Variants in CASZ1 observed in about 807,000 individuals in gnomAD.
CASZ1 encodes castor zinc finger 1.
A neutral mutation model predicts 135.2 loss-of-function variants in CASZ1; 28 were observed. The ratio of observed to expected loss-of-function variants is 0.21; its 90% CI spans 0.15 to 0.28. The LOEUF is 0.28. Among genes scored for constraint, CASZ1 ranks in the 10% least tolerant of loss-of-function variants. The pLI is 1.00. For synonymous variants in CASZ1, 1,068 were observed against 1,073.4 expected, an observed-to-expected ratio of 0.99 and a Z score of 0.10; for missense variants, 2,161 against 2,453.3, an observed-to-expected ratio of 0.88 and a Z score of 2.52.
chr1:10,763,869 G>A (rs534035671), intron 1 of CASZ1, among the ~76,000 whole-genome samples: 20 of 152,076 alleles, frequency 1.3e-4, no homozygotes, highest in Admixed American at 3.3e-4. Flanking sequence ...GCTGTTTTCT[G>A]TTTTCTTTTT....
At chr1:10,775,888 C>G (rs2100602057) in intron 1 of CASZ1, among the ~76,000 whole-genome samples, 1 of 152,300 alleles carries the variant, frequency 6.6e-6, no homozygotes, top group Non-Finnish European at 1.5e-5. Context: ...TCTCAACCAG[C>G]ACCCCGTCCC....
At chr1:10,656,779 C>CA (rs1557474846) in intron 7 of CASZ1, 43 bp from the exon 8 acceptor site, 1 of 1,336,982 alleles carries the variant, frequency 7.5e-7, no homozygotes, top group Non-Finnish European at 1.0e-6. Flanking sequence ...CTGTGGGTGA[C>CA]AGTCCCAGCC....
rs539695679 is a variant in CASZ1 at position 10,646,254 on chromosome 1, C to T, written c.3570G>A (p.Lys1190=). 3.1e-6 allele frequency: 5 copies of T among 1,614,064 alleles called. No individual in the cohort carries two copies. In the South Asian group the frequency reaches 3.3e-5, roughly 11 times the overall value. ...CCTTGCCAGACGTTTTGCAGACGTA[C>T]TTGCAGTTCCCAAAGAGACAGTGGA... The part of the protein sequence containing the change: ...FHFHCLFGNC[K]YVCKTSGKAE... The change falls in exon 17 of 21, where the codon AAG becomes AAA. Residue 1190 remains lysine, a synonymous_variant. Transcript: ENST00000377022. The surrounding 1 kb of genome is among the most constrained non-coding windows in gnomAD (Gnocchi z 6.4).
chr1:10,638,928 A>C lies in CASZ1; in HGVS notation c.*14T>G. On this transcript the variant is annotated 3_prime_UTR_variant, in exon 21 of 21. Coordinates refer to ENST00000377022, the MANE Select transcript of CASZ1 (RefSeq NM_001079843.3). The surrounding 1 kb of genome is among the most constrained non-coding windows in gnomAD (Gnocchi z 5.9). ...CGAGGCCGAGGCCGCCGCCAGGGCC[A>C]CCCGCGGGCGCCGCTAGGGCGAGGA... 1 of 979,770 alleles carries C rather than the reference A, an allele frequency of 1.0e-6. No individual in the cohort carries two copies. Among genetic ancestry groups the C allele is most frequent in the Non-Finnish European group, 1.2e-6 (1 of 827,966 alleles). The allele number at this position is 979,770 out of a possible 1,614,324, so 60.7% of individuals were successfully genotyped here. A position where few individuals can be genotyped will look rare whatever the true frequency, so the allele number is the denominator to read the frequency against.
intron 1 of CASZ1, among the ~76,000 whole-genome samples, chr1:10,771,535 AAC>A (rs1640576608): frequency 6.6e-6 from 1 of 152,170 alleles, no homozygotes. Context: ...GGGAAAAAAA[AAC>A]ATAGCTGTTG....
At chr1:10,714,190 T>G (rs997168186) in intron 2 of CASZ1, among the ~76,000 whole-genome samples, 2 of 151,894 alleles carry the variant, frequency 1.3e-5, no homozygotes, top group African/African-American at 4.8e-5. Context: ...CCTGTAGTAG[T>G]CCCGCTACTG....
chr1:10,725,823 G>T lies in CASZ1; in HGVS notation c.-76-20279C>A, dbSNP rs1039057919. ...GGGGTGGGGAGGGAATGGCAAGGGG[G>T]GCCTGAAGACAGCAGGGCAGGTGTA... On this transcript the variant is annotated intron_variant, in intron 2 of 20. Coordinates refer to ENST00000377022, the MANE Select transcript of CASZ1 (RefSeq NM_001079843.3). The surrounding 1 kb of genome is among the most constrained non-coding windows in gnomAD (Gnocchi z 4.4). Among the ~76,000 whole-genome samples the T allele has an allele frequency of 6.6e-6, 1 of 152,134 alleles. No homozygotes were observed. The highest frequency in any genetic ancestry group is 2.4e-5 in the African/African-American group (1 of 41,520).
intron 2 of CASZ1, among the ~76,000 whole-genome samples, chr1:10,742,422 T>C (rs1338389839): frequency 1.3e-5 from 2 of 152,316 alleles, no homozygotes; most frequent in East Asian, 1.9e-4. Context: ...GGTGTGTAGC[T>C]GGTCCAGGCT....
chr1:10,777,838 A>G lies in CASZ1; in HGVS notation c.-233-16981T>C, dbSNP rs116119762. On this transcript the variant is annotated intron_variant, in intron 1 of 20. Transcript: ENST00000377022. This position sits in a 1 kb window ranked among gnomAD's most constrained non-coding sequence, Gnocchi z 4.4. ...TGACACAATCCCACAACCACACACA[A>G]TCTCACACACTCTCATATACAATGA... 5.8e-3 allele frequency among the ~76,000 whole-genome samples: 876 copies of G among 151,892 alleles called. 8 individuals carry two copies. Among genetic ancestry groups the G allele is most frequent in the African/African-American group, 0.019 (773 of 41,414 alleles).
In CASZ1 at chr1:10,788,457, T is replaced by G. The variant is rs1640897741; in HGVS notation, c.-234+8107A>C. On this transcript the variant is annotated intron_variant, in intron 1 of 20. Transcript: ENST00000377022. The surrounding 1 kb of genome is among the most constrained non-coding windows in gnomAD (Gnocchi z 4.1). ...GGCCCTAGAGGGTCCTTAGACTGCA[T>G]TTATAAGATCTGCGAAACCCCTCAA... Among the ~76,000 whole-genome samples, 1 of 152,172 alleles carries G rather than the reference T, an allele frequency of 6.6e-6. No individual in the cohort carries two copies. Among genetic ancestry groups the G allele is most frequent in the Non-Finnish European group, 1.5e-5 (1 of 68,028 alleles).
At chr1:10,737,150 T>C (rs967910115) in intron 2 of CASZ1, among the ~76,000 whole-genome samples, 1 of 152,214 alleles carries the variant, frequency 6.6e-6, no homozygotes, top group Non-Finnish European at 1.5e-5. Context: ...ATATAGCCAC[T>C]GGGCGATCAA....
intron 2 of CASZ1, among the ~76,000 whole-genome samples, chr1:10,746,983 G>T (rs1640055471): frequency 6.6e-6 from 1 of 152,204 alleles, no homozygotes; most frequent in South Asian, 2.1e-4. Context: ...CTGAGATCAT[G>T]TGGGCAAGAT....
Position 10,747,802 on chromosome 1 carries a change from T to A in CASZ1, c.-77+12899A>T, listed in dbSNP as rs547985803. Among the ~76,000 whole-genome samples the A allele has an allele frequency of 1.0e-3, 155 of 148,668 alleles. No individual in the cohort carries two copies. The highest frequency in any genetic ancestry group is 3.1e-3 in the African/African-American group (123 of 40,238). Reference sequence around the variant, plus strand: ...CTGGGAGAGGGTACACAGTACACTGTGCTCACCTGCCTGACTTTTTTTTTT... The same window carrying A: ...CTGGGAGAGGGTACACAGTACACTGAGCTCACCTGCCTGACTTTTTTTTTT... On this transcript the variant is annotated intron_variant, in intron 2 of 20. Transcript: ENST00000377022. This position sits in a 1 kb window ranked among gnomAD's most constrained non-coding sequence, Gnocchi z 4.3.
intron 1 of CASZ1, among the ~76,000 whole-genome samples, chr1:10,770,873 G>A (rs1161681753): frequency 6.6e-6 from 1 of 152,196 alleles, no homozygotes; most frequent in Admixed American, 6.5e-5. Flanking sequence ...CCTTCCAGAA[G>A]AGCCAGTGCT....
chr1:10,743,909 C>G (rs1639986523), intron 2 of CASZ1, among the ~76,000 whole-genome samples: 1 of 151,648 alleles, frequency 6.6e-6, no homozygotes, highest in African/African-American at 2.4e-5. Context: ...CGGGGGGAGG[C>G]AGGCAGAAGA....
intron 4 of CASZ1, among the ~76,000 whole-genome samples, chr1:10,688,451 G>A (rs956205335): frequency 1.3e-5 from 2 of 152,190 alleles, no homozygotes; most frequent in East Asian, 1.9e-4. Context: ...AGGACAAGGC[G>A]CAGAGAGAAG....
chr1:10,727,718 T>C lies in CASZ1; in HGVS notation c.-76-22174A>G, dbSNP rs1424216954. 6.6e-6 allele frequency among the ~76,000 whole-genome samples: 1 copy of C among 152,156 alleles called. No homozygotes were observed. Among genetic ancestry groups the C allele is most frequent in the Non-Finnish European group, 1.5e-5 (1 of 68,008 alleles). ...GGGTGCTAGGAAGCAAAAGTGGAGCTGAGAAGCTGGCCTTCACCTCGTTCC... is the reference window on the plus strand; with the variant it reads ...GGGTGCTAGGAAGCAAAAGTGGAGCCGAGAAGCTGGCCTTCACCTCGTTCC... On this transcript the variant is annotated intron_variant, in intron 2 of 20. Transcript: ENST00000377022. The surrounding 1 kb of genome is among the most constrained non-coding windows in gnomAD (Gnocchi z 5.3).
intron 1 of CASZ1, among the ~76,000 whole-genome samples, chr1:10,786,431 G>A (rs1425114863): frequency 2.6e-5 from 4 of 152,284 alleles, no homozygotes; most frequent in Middle Eastern, 3.4e-3. Context: ...GCAGCACCAC[G>A]TCACCCTGCA....
At chr1:10,760,470 C>A (rs1391406746) in intron 2 of CASZ1, among the ~76,000 whole-genome samples, 1 of 152,232 alleles carries the variant, frequency 6.6e-6, no homozygotes, top group African/African-American at 2.4e-5. Flanking sequence ...AGTAGTGAGT[C>A]GGTGACAAGG....
Sources: gnomAD v4.1 joint callset for allele counts (sites outside exome capture counted in the v4.1 genomes callset) on GRCh38, gnomAD v4.1.1 for gene constraint, Gnocchi (gnomAD v3.1) non-coding constraint, MANE v1.5 for transcripts, NCBI Gene and HGNC (gene_info 2026-07-23, HGNC 2026-07-21) for gene names.